The following ADGRB3 variants were observed in gnomAD, a reference collection of about 807,000 sequenced individuals.
The protein encoded by ADGRB3 is adhesion G protein-coupled receptor B3, also known as brain-specific angiogenesis inhibitor 3.
In ADGRB3, 37 loss-of-function variants were observed where a neutral mutation model predicts 193.4. The observed-to-expected ratio is 0.19, with a 90% confidence interval of 0.15 to 0.25. ADGRB3 has a LOEUF of 0.25. Ranked by LOEUF, ADGRB3 falls within the 10% of genes least tolerant of loss-of-function variation. The probability of loss-of-function intolerance (pLI) is 1.00; values close to 1 mark genes in which losing one functional copy is unlikely to be tolerated. For synonymous variants in ADGRB3, 690 were observed against 644.2 expected (o/e 1.07, Z -1.08); for missense variants, 1,637 against 1,852.9 (o/e 0.88, Z 2.14).
At position 68,847,621 on chromosome 6, in the gene ADGRB3, G is replaced by A. The variant is rs184315697; in HGVS notation, c.758-82938G>A. ...GCTGCCATGTAAGAAGTGTCTTTTC[G>A]CCCTCTGCCATGATTATGAGACCTC... is the stretch of plus-strand genomic sequence containing the variant. On this transcript the variant is annotated intron_variant, in intron 3 of 31. Coordinates refer to ENST00000370598, the MANE Select transcript of ADGRB3 (RefSeq NM_001704.3). Among the ~76,000 whole-genome samples, 269 of 151,966 alleles carry A rather than the reference G, an allele frequency of 1.8e-3. 1 individual carries two copies. Among genetic ancestry groups the A allele is most frequent in the Non-Finnish European group, 1.9e-3 (128 of 67,974 alleles).
At chr6:68,994,864 T>G (rs1294535234) in intron 11 of ADGRB3, among the ~76,000 whole-genome samples, 1 of 103,018 alleles carries the variant, frequency 9.7e-6, no homozygotes, top group African/African-American at 5.3e-5. Context: ...AAATACAGGA[T>G]TTGTTTTGTT....
chr6:68,937,221 A>C (rs1767508391), intron 5 of ADGRB3, among the ~76,000 whole-genome samples: 1 of 151,652 alleles, frequency 6.6e-6, no homozygotes. Flanking sequence ...AATTAAACTT[A>C]ATGAAGAGAG....
chr6:69,288,617 T>G (rs1015740995), intron 20 of ADGRB3, among the ~76,000 whole-genome samples: 4 of 152,184 alleles, frequency 2.6e-5, no homozygotes, highest in Admixed American at 6.5e-5. Context: ...TGATAGAATT[T>G]TAAAAGTTTC....
intron 3 of ADGRB3, among the ~76,000 whole-genome samples, chr6:68,660,287 G>A (rs1369440221): frequency 1.3e-5 from 2 of 148,404 alleles, no homozygotes; most frequent in Non-Finnish European, 3.0e-5. Context: ...TTAATATTAT[G>A]TGTTTTTACC....
intron 20 of ADGRB3, among the ~76,000 whole-genome samples, chr6:69,294,686 T>C (rs1268964231): frequency 6.6e-6 from 1 of 152,174 alleles, no homozygotes. Context: ...GGGCTGGAAA[T>C]GTTCACATTT....
intron 26 of ADGRB3, among the ~76,000 whole-genome samples, chr6:69,353,806 G>A (rs1316403232): frequency 6.6e-6 from 1 of 152,196 alleles, no homozygotes; most frequent in Non-Finnish European, 1.5e-5. Flanking sequence ...GCTCATGCCT[G>A]TAATCCCAGC....
intron 5 of ADGRB3, among the ~76,000 whole-genome samples, chr6:68,943,604 A>G (rs972027509): frequency 1.3e-5 from 2 of 152,174 alleles, no homozygotes; most frequent in Non-Finnish European, 2.9e-5. Context: ...TTATGACATG[A>G]ATTACTGTTC....
At chr6:69,063,224 T>C (rs1771802185) in intron 16 of ADGRB3, among the ~76,000 whole-genome samples, 188 bp downstream of exon 16, 1 of 152,048 alleles carries the variant, frequency 6.6e-6, no homozygotes, top group Non-Finnish European at 1.5e-5. Context: ...TAAAATTCTC[T>C]TCAATTTATC....
chr6:68,763,252 A>G (rs1766446977), intron 3 of ADGRB3, among the ~76,000 whole-genome samples: 2 of 151,992 alleles, frequency 1.3e-5, no homozygotes, highest in Non-Finnish European at 2.9e-5. Context: ...CATAATGCCT[A>G]GCTAATTTTT....
chr6:69,187,452 A>C (rs1486088887), intron 17 of ADGRB3, among the ~76,000 whole-genome samples: 1 of 152,152 alleles, frequency 6.6e-6, no homozygotes, highest in Non-Finnish European at 1.5e-5. Flanking sequence ...ACTAGACAAT[A>C]ATCTGTATTA....
chr6:69,382,710 G>C (rs1769975058), intron 30 of ADGRB3, 121 bp from the exon 31 acceptor site: 1 of 573,244 alleles, frequency 1.7e-6, no homozygotes, highest in Non-Finnish European at 3.0e-6. Flanking sequence ...GCATCTTATA[G>C]GACCTCCTGG....
intron 20 of ADGRB3, among the ~76,000 whole-genome samples, chr6:69,311,319 C>G (rs1411648190): frequency 6.6e-6 from 1 of 151,688 alleles, no homozygotes; most frequent in Non-Finnish European, 1.5e-5. Context: ...AACAGAAAAA[C>G]AGCAAAACCA....
chr6:68,803,283 G>A (rs1266555037), intron 3 of ADGRB3, among the ~76,000 whole-genome samples: 1 of 152,222 alleles, frequency 6.6e-6, no homozygotes, highest in East Asian at 1.9e-4. Context: ...GACCCTCCAG[G>A]CTATCCACCT....
chr6:69,024,509 C>G (rs539407607), intron 13 of ADGRB3, among the ~76,000 whole-genome samples: 15 of 152,252 alleles, frequency 9.9e-5, no homozygotes, highest in African/African-American at 3.4e-4. Flanking sequence ...CACCCACTTA[C>G]AGCTATTTCA....
At chr6:68,926,609 A>G (rs144923490) in intron 3 of ADGRB3, among the ~76,000 whole-genome samples, 1,808 of 152,270 alleles carry the variant, frequency 0.012, 19 homozygotes, top group Non-Finnish European at 0.019. Context: ...TGGACACGTA[A>G]ACAAAAGATA....
chr6:69,065,293 T>C (rs1428325932), intron 16 of ADGRB3, among the ~76,000 whole-genome samples: 2 of 152,086 alleles, frequency 1.3e-5, no homozygotes, highest in Non-Finnish European at 2.9e-5. Flanking sequence ...CTCTAGGCGC[T>C]CTTGTTTGGA....
chr6:68,724,825 CTG>C (rs1390440322), intron 3 of ADGRB3, among the ~76,000 whole-genome samples: 15 of 151,526 alleles, frequency 9.9e-5, no homozygotes, highest in African/African-American at 3.4e-4. Context: ...TGTTGGGGCA[CTG>C]GGAATATAAA....
intron 3 of ADGRB3, among the ~76,000 whole-genome samples, chr6:68,885,221 A>G (rs1253452157): frequency 6.6e-6 from 1 of 152,164 alleles, no homozygotes; most frequent in East Asian, 1.9e-4. Context: ...ACTAACAGTA[A>G]TATTTATTGA....
intron 3 of ADGRB3, among the ~76,000 whole-genome samples, chr6:68,729,759 A>C (rs757756761): frequency 6.6e-6 from 1 of 151,566 alleles, no homozygotes; most frequent in Non-Finnish European, 1.5e-5. Flanking sequence ...TGCTGAGGGA[A>C]GCATAGTCAG....
Sources: allele counts gnomAD v4.1 joint callset (sites outside exome capture counted in the v4.1 genomes callset), GRCh38; gene constraint gnomAD v4.1.1; transcripts MANE v1.5; gene names NCBI Gene and HGNC (gene_info 2026-07-23, HGNC 2026-07-21).